The following HS3ST4 variants were observed in gnomAD, a reference collection of about 807,000 sequenced individuals.
The protein encoded by HS3ST4 is heparan sulfate-glucosamine 3-sulfotransferase 4, also known as heparan sulfate glucosamine 3-O-sulfotransferase 4.
Under a neutral mutation model 29.2 loss-of-function variants are expected in HS3ST4, and 17 were observed. The ratio of observed to expected loss-of-function variants is 0.58; its 90% CI spans 0.40 to 0.87. HS3ST4 has a LOEUF of 0.87. Among genes scored for constraint, HS3ST4 ranks in the 40% least tolerant of loss-of-function variants. HS3ST4 has a pLI of 0.00. For missense variants in HS3ST4, 627 were observed against 634.5 expected (o/e 0.99, Z 0.13); for synonymous variants, 314 against 285.7 (o/e 1.10, Z -1.00).
At chr16:25,914,369 T>A (rs1319849947) in intron 1 of HS3ST4, among the ~76,000 whole-genome samples, 1 of 151,354 alleles carries the variant, frequency 6.6e-6, no homozygotes, top group Non-Finnish European at 1.5e-5. Flanking sequence ...TTTATGGGGC[T>A]GGATGTGATG....
At chr16:25,955,678 C>T (rs1297950597) in intron 1 of HS3ST4, among the ~76,000 whole-genome samples, 1 of 151,956 alleles carries the variant, frequency 6.6e-6, no homozygotes, top group Admixed American at 6.6e-5. Context: ...TGTATTCATT[C>T]AACAAGCATT....
chr16:25,889,123 C>T (rs1967982365), intron 1 of HS3ST4, among the ~76,000 whole-genome samples: 1 of 152,168 alleles, frequency 6.6e-6, no homozygotes, highest in East Asian at 1.9e-4. Context: ...CTTCAATATG[C>T]GCCACAGGAG....
chr16:25,823,889 C>T (rs867371858), intron 1 of HS3ST4, among the ~76,000 whole-genome samples: 1 of 152,144 alleles, frequency 6.6e-6, no homozygotes, highest in African/African-American at 2.4e-5. Context: ...TTTATATATT[C>T]TCTTATTTTT....
At chr16:26,105,182 C>A (rs1899037049) in intron 1 of HS3ST4, among the ~76,000 whole-genome samples, 2 of 152,140 alleles carry the variant, frequency 1.3e-5, no homozygotes, top group Non-Finnish European at 2.9e-5. Flanking sequence ...AGAACAAAAT[C>A]ATGTCATTTG....
At chr16:25,984,919 G>C (rs936097555) in intron 1 of HS3ST4, among the ~76,000 whole-genome samples, 1 of 152,180 alleles carries the variant, frequency 6.6e-6, no homozygotes, top group African/African-American at 2.4e-5. Flanking sequence ...GCAAGGTGTG[G>C]CAGGCAAACT....
intron 1 of HS3ST4, among the ~76,000 whole-genome samples, chr16:26,093,383 G>A (rs1898881857): frequency 6.6e-6 from 1 of 152,160 alleles, no homozygotes; most frequent in Admixed American, 6.5e-5. Context: ...CTGGGACAAA[G>A]CTTCCAGAGG....
At chr16:25,920,595 C>T (rs549024210) in intron 1 of HS3ST4, among the ~76,000 whole-genome samples, 9 of 113,266 alleles carry the variant, frequency 7.9e-5, no homozygotes, top group South Asian at 3.5e-4. Flanking sequence ...CCCTCACTGC[C>T]GCCCCCACCC....
intron 1 of HS3ST4, among the ~76,000 whole-genome samples, chr16:25,780,209 G>A (rs1966851412): frequency 6.6e-6 from 1 of 152,126 alleles, no homozygotes; most frequent in Admixed American, 6.5e-5. Context: ...GCCTTTGCCT[G>A]ACATGCCCTC....
chr16:25,858,712 T>G (rs952422098), intron 1 of HS3ST4, among the ~76,000 whole-genome samples: 1 of 152,182 alleles, frequency 6.6e-6, no homozygotes, highest in African/African-American at 2.4e-5. Context: ...TACCTCTTCT[T>G]GAGTCAATTT....
intron 1 of HS3ST4, among the ~76,000 whole-genome samples, chr16:25,900,374 A>ATTTC (rs397964874): frequency 4.6e-5 from 7 of 152,088 alleles, no homozygotes; most frequent in African/African-American, 1.7e-4. Flanking sequence ...TGCCACCTTT[A>ATTTC]ACAACTTTAT....
chr16:25,792,421 G>A (rs996487045), intron 1 of HS3ST4, among the ~76,000 whole-genome samples: 3 of 152,014 alleles, frequency 2.0e-5, no homozygotes, highest in East Asian at 1.9e-4. Flanking sequence ...TGATGAAGCT[G>A]TCAGGGCCTG....
At chr16:25,879,829 G>T (rs1313843337) in intron 1 of HS3ST4, among the ~76,000 whole-genome samples, 1 of 152,102 alleles carries the variant, frequency 6.6e-6, no homozygotes, top group Non-Finnish European at 1.5e-5. Flanking sequence ...TGGCTGGGGA[G>T]GCCTCACAAT....
chr16:25,892,142 C>T lies in HS3ST4; in HGVS notation c.734+198991C>T, dbSNP rs556039501. ...CCAAAATGAAGGAACAAAGTTCAGG[C>T]CAACCTGTTAGAAAATCTGACCTCA... On this transcript the variant is annotated intron_variant, in intron 1 of 1. Coordinates refer to ENST00000331351, the MANE Select transcript of HS3ST4 (RefSeq NM_006040.3). 3.3e-5 allele frequency among the ~76,000 whole-genome samples: 5 copies of T among 152,204 alleles called. No homozygotes were observed. The East Asian group carries it at 9.6e-4, about 29-fold the overall frequency.
chr16:25,937,550 G>A (rs1167272323), intron 1 of HS3ST4, among the ~76,000 whole-genome samples: 2 of 152,136 alleles, frequency 1.3e-5, no homozygotes, highest in African/African-American at 2.4e-5. Flanking sequence ...GAAAGCCTGC[G>A]AGTTCATGAA....
chr16:26,052,280 A>G (rs940005012), intron 1 of HS3ST4, among the ~76,000 whole-genome samples: 5 of 152,142 alleles, frequency 3.3e-5, no homozygotes. Context: ...CCTTTGTTGA[A>G]TCTAGCATGA....
At chr16:25,798,291 T>A (rs545767822) in intron 1 of HS3ST4, among the ~76,000 whole-genome samples, 36 of 152,202 alleles carry the variant, frequency 2.4e-4, no homozygotes, top group Non-Finnish European at 4.9e-4. Context: ...TAAGATATGC[T>A]GCAGTAACAA....
chr16:25,739,334 T>C (rs1189855003), intron 1 of HS3ST4, among the ~76,000 whole-genome samples: 1 of 152,064 alleles, frequency 6.6e-6, no homozygotes, highest in Non-Finnish European at 1.5e-5. Context: ...AAAGTGAAAC[T>C]CTGTCTCAAA....
chr16:25,925,505 C>T lies in HS3ST4; in HGVS notation c.735-210107C>T, dbSNP rs73517514. On this transcript the variant is annotated intron_variant, in intron 1 of 1. Coordinates refer to ENST00000331351, the MANE Select transcript of HS3ST4 (RefSeq NM_006040.3). Reference sequence around the variant, plus strand: ...ATTACGCCGCGACGCTGTTGAAACACAAACCAAATGCAGCCCCAACTCTAA... The same window carrying T: ...ATTACGCCGCGACGCTGTTGAAACATAAACCAAATGCAGCCCCAACTCTAA... Among the ~76,000 whole-genome samples, 1,221 of 152,230 alleles carry T rather than the reference C, an allele frequency of 8.0e-3. 18 individuals carry two copies. Among genetic ancestry groups the T allele is most frequent in the African/African-American group, 0.028 (1,170 of 41,524 alleles).
chr16:26,007,365 G>A (rs1376619258), intron 1 of HS3ST4, among the ~76,000 whole-genome samples: 1 of 152,126 alleles, frequency 6.6e-6, no homozygotes, highest in Non-Finnish European at 1.5e-5. Flanking sequence ...GCACCAGGAA[G>A]GCAAAAGAGG....
Sources: gnomAD v4.1 joint callset for allele counts (sites outside exome capture counted in the v4.1 genomes callset) on GRCh38, gnomAD v4.1.1 for gene constraint, MANE v1.5 for transcripts, NCBI Gene and HGNC (gene_info 2026-07-23, HGNC 2026-07-21) for gene names.